LTN1: variants seen among roughly 807,000 people sequenced by gnomAD.
The protein encoded by LTN1 is E3 ubiquitin-protein ligase listerin.
LTN1 carries 88 observed loss-of-function variants against 201.2 expected under a neutral mutation model. The observed-to-expected ratio is 0.44, with a 90% CI of 0.37 to 0.52. The LOEUF is 0.52. LTN1 is among the 20% of genes least tolerant of loss of function. LTN1 has a pLI of 0.00. For synonymous variants in LTN1, 645 were observed against 713.5 expected (o/e 0.90, Z 1.53); for missense variants, 1,752 against 2,038.7 (o/e 0.86, Z 2.71).
Position 28,944,608 on chromosome 21 carries a change from A to G in LTN1, c.3769-12T>C. 1 of 1,589,714 alleles carries G rather than the reference A, an allele frequency of 6.3e-7. No individual in the cohort carries two copies. The highest frequency in any genetic ancestry group is 8.6e-7 in the Non-Finnish European group (1 of 1,161,022). ...TTCTCACTTGTTGTCTGAAAAAACA[A>G]TAAAAATGAAATAGGTAAACAGACT... On this transcript the variant is annotated splice_polypyrimidine_tract_variant and intron_variant, in intron 21 of 29. Coordinates refer to ENST00000361371, the MANE Select transcript of LTN1 (RefSeq NM_015565.3).
rs1326920005 is a variant in LTN1, at chr21:28,956,972, C to T, written c.2893-24G>A. On this transcript the variant is annotated intron_variant, in intron 15 of 29. Coordinates refer to ENST00000361371, the MANE Select transcript of LTN1 (RefSeq NM_015565.3). The stretch of plus-strand genomic sequence containing the variant: ...CACTGTGAAAAGAATACGTTATATA[C>T]AAAATTATTTATTACCTAAGCAATT... 2.8e-6 allele frequency: 4 copies of T among 1,417,728 alleles called. No individual in the cohort carries two copies. The African/African-American group carries it at 5.8e-5, about 20-fold the overall frequency. The allele number at this position is 1,417,728 out of a possible 1,614,324, so 87.8% of individuals were successfully genotyped here.
At chr21:28,936,488 A>G (rs368251999) in intron 26 of LTN1, 38 bp downstream of exon 26, 177 of 1,512,714 alleles carry the variant, frequency 1.2e-4, no homozygotes, top group Non-Finnish European at 1.5e-4. Flanking sequence ...GTCTGAATCT[A>G]GTGTCCAAGA....
intron 24 of LTN1, among the ~76,000 whole-genome samples, chr21:28,942,663 ATG>A (rs1395557375): frequency 6.6e-6 from 1 of 152,122 alleles, no homozygotes; most frequent in Non-Finnish European, 1.5e-5. Flanking sequence ...CTCTTAACTT[ATG>A]TTGTCTTTCC....
At chr21:28,969,366 A>G in intron 9 of LTN1, 100 bp downstream of exon 9, 1 of 986,700 alleles carries the variant, frequency 1.0e-6, no homozygotes, top group Non-Finnish European at 1.4e-6. Context: ...TAAAATTTTT[A>G]CAAGGAAGGC....
At chr21:28,936,771 G>T in intron 25 of LTN1, 74 bp from the exon 26 acceptor site, 1 of 1,152,888 alleles carries the variant, frequency 8.7e-7, no homozygotes, top group Non-Finnish European at 1.2e-6. Context: ...AACTCAAAGT[G>T]TAACAAATTT....
chr21:28,931,983 A>G (rs1223026247), intron 28 of LTN1, among the ~76,000 whole-genome samples: 2 of 152,132 alleles, frequency 1.3e-5, no homozygotes, highest in Admixed American at 1.3e-4. Context: ...AGCCTGGGCA[A>G]CAAGAGCAAA....
chr21:28,977,483 G>C (rs2084625183), intron 6 of LTN1, among the ~76,000 whole-genome samples: 1 of 152,132 alleles, frequency 6.6e-6, no homozygotes, highest in East Asian at 1.9e-4. Context: ...TCCCAAATGG[G>C]AGGCTGAGGC....
At position 28,970,613 on chromosome 21, in the gene LTN1, G is replaced by A. The variant is rs2084566140; in HGVS notation, c.1114C>T (p.Gln372Ter). Reference protein sequence around the residue: ...YLLPFISKLPQSITNPKLDFF... With the variant: ...YLLPFISKLP Reference sequence around the variant, plus strand: ...TCCAACTTTGGATTTGTGATGGACTGAGGGAGCTTGCTGATGAATGGCAGA... The same window carrying A: ...TCCAACTTTGGATTTGTGATGGACTAAGGGAGCTTGCTGATGAATGGCAGA... The change falls in exon 8 of 30, where the codon CAG becomes TAG. Residue 372 changes from glutamine to a stop codon, truncating the protein, a stop_gained. Transcript: ENST00000361371. LOFTEE classifies it high-confidence loss of function. The A allele has an allele frequency of 6.2e-7, 1 of 1,613,842 alleles. No homozygotes were observed. The highest frequency in any genetic ancestry group is 1.3e-5 in the African/African-American group (1 of 74,920).
Position 28,943,781 on chromosome 21 carries a change from G to A in LTN1, c.4106C>T (p.Ala1369Val). The change falls in exon 23 of 30, where the codon GCT becomes GTT. Residue 1369 changes from alanine to valine, a missense_variant. Physicochemically the swap from Ala to Val is moderately conservative, Grantham distance 64. Transcript: ENST00000361371. The stretch of plus-strand genomic sequence containing the variant: ...TTCTGGTAAGTTTGTTTTTTGGTCA[G>A]CAACTAATCTTGCAGGAAGTTTGTG... ...LSHKLPARLV[A>V]DQKTNLPEYL... 1 of 1,613,658 alleles carries A rather than the reference G, an allele frequency of 6.2e-7. No individual in the cohort carries two copies. Among genetic ancestry groups the A allele is most frequent in the Non-Finnish European group, 8.5e-7 (1 of 1,179,712 alleles).
intron 4 of LTN1, among the ~76,000 whole-genome samples, chr21:28,983,690 A>T: frequency 6.6e-6 from 1 of 152,184 alleles, no homozygotes; most frequent in East Asian, 1.9e-4. Flanking sequence ...AATTGAAAGG[A>T]GGAAGGAAAG....
chr21:28,935,739 C>T (rs2084250665), intron 26 of LTN1, among the ~76,000 whole-genome samples: 1 of 151,152 alleles, frequency 6.6e-6, no homozygotes, highest in Non-Finnish European at 1.5e-5. Context: ...ACTCCGGAGG[C>T]TGAGGCAGGA....
intron 1 of LTN1, among the ~76,000 whole-genome samples, chr21:28,991,426 G>A (rs2084744907): frequency 1.3e-5 from 2 of 152,190 alleles, no homozygotes; most frequent in South Asian, 4.1e-4. Context: ...AATTGCTGCA[G>A]GCTAGAAAAT....
chr21:28,947,034 A>G (rs576801227), intron 19 of LTN1, among the ~76,000 whole-genome samples: 18 of 152,348 alleles, frequency 1.2e-4, no homozygotes, highest in Middle Eastern at 3.4e-3. Context: ...TACATCGGTT[A>G]TCACATAATA....
chr21:28,978,764 TA>T (rs1357817363), intron 6 of LTN1, among the ~76,000 whole-genome samples: 3 of 152,156 alleles, frequency 2.0e-5, no homozygotes, highest in African/African-American at 7.2e-5. Context: ...AAAAGACTAA[TA>T]TTTAATTATA....
At chr21:28,982,392 G>A in intron 4 of LTN1, 24 bp from the exon 5 acceptor site, 1 of 1,597,812 alleles carries the variant, frequency 6.3e-7, no homozygotes, top group South Asian at 1.1e-5. Flanking sequence ...AAATACCAAA[G>A]CCTTTGGTTT....
rs144877616 is a variant in LTN1, at chr21:28,981,125, T to A, written c.804A>T (p.Val268=). ...NKFWKYGKHS[V]PQIRSAYFEL... is the part of the protein sequence containing the mutation. ...ATAAAAAAGATTAATATACCTGAGG[T>A]ACACTGTGTTTTCCATACTTCCAAA... The change falls in exon 6 of 30, where the codon GTA becomes GTT. Residue 268 remains valine (V), a synonymous_variant. Coordinates refer to ENST00000361371, the MANE Select transcript of LTN1 (RefSeq NM_015565.3). 5 of 1,545,458 alleles carry A rather than the reference T, an allele frequency of 3.2e-6. No individual in the cohort carries two copies. In the African/African-American group the frequency reaches 5.6e-5, roughly 17 times the overall value.
chr21:28,955,399 G>C (rs753456002), intron 16 of LTN1, among the ~76,000 whole-genome samples: 1 of 135,946 alleles, frequency 7.4e-6, no homozygotes, highest in Non-Finnish European at 1.5e-5. Flanking sequence ...CAGCCATTTT[G>C]GAAAACGATA....
At chr21:28,948,758 T>A (rs1285166830) in intron 18 of LTN1, among the ~76,000 whole-genome samples, 1 of 152,202 alleles carries the variant, frequency 6.6e-6, no homozygotes, top group Non-Finnish European at 1.5e-5. Context: ...TATGGAGGTA[T>A]CATTATTTAA....
Position 28,931,141 on chromosome 21 carries a change from C to A in LTN1, c.5238+14G>T, listed in dbSNP as rs777113767. ...ACATAAAATATAAGTAAGTTAATTT[C>A]TCTTTAGACTTACCAAGCAGGCTGA... is the stretch of plus-strand genomic sequence containing the variant. On this transcript the variant is annotated intron_variant, in intron 29 of 29. Coordinates refer to ENST00000361371, the MANE Select transcript of LTN1 (RefSeq NM_015565.3). 9 of 1,576,750 alleles carry A rather than the reference C, an allele frequency of 5.7e-6. No homozygotes were observed. The African/African-American group carries it at 1.1e-4, about 19-fold the overall frequency.
Sources: gnomAD v4.1 joint callset for allele counts (sites outside exome capture counted in the v4.1 genomes callset) on GRCh38, gnomAD v4.1.1 for gene constraint, MANE v1.5 for transcripts, NCBI Gene and HGNC (gene_info 2026-07-23, HGNC 2026-07-21) for gene names.